CXCL13: variants seen among roughly 807,000 people sequenced by gnomAD.
CXCL13 encodes C-X-C motif chemokine 13.
CXCL13 carries 7 observed loss-of-function variants against 12.2 expected under a neutral mutation model. That is an observed-to-expected ratio of 0.57 (90% CI 0.33 to 1.07). The LOEUF (loss-of-function observed/expected upper bound fraction) is 1.07, where lower values mean the gene tolerates loss of function less well. Ranked by LOEUF, CXCL13 falls within the 50% of genes least tolerant of loss-of-function variation. The pLI is 0.04. For synonymous variants in CXCL13, 47 were observed against 42.4 expected (o/e 1.11, Z -0.42); for missense variants, 113 against 127.4 (o/e 0.89, Z 0.55).
chr4:77,531,398 G>A (rs1315250952), intron 1 of CXCL13, among the ~76,000 whole-genome samples: 1 of 150,376 alleles, frequency 6.6e-6, no homozygotes, highest in African/African-American at 2.5e-5. Context: ...TGATTGCACT[G>A]TGGTCTGAGA....
At chr4:77,520,085 G>A (rs1313488881) in intron 1 of CXCL13, among the ~76,000 whole-genome samples, 1 of 152,090 alleles carries the variant, frequency 6.6e-6, no homozygotes, top group Non-Finnish European at 1.5e-5. Context: ...TCTCTGTTTT[G>A]GTACCAGTAC....
intron 1 of CXCL13, among the ~76,000 whole-genome samples, chr4:77,570,469 G>A (rs1726042872): frequency 6.6e-6 from 1 of 152,200 alleles, no homozygotes; most frequent in South Asian, 2.1e-4. Flanking sequence ...GGTGGCTCAT[G>A]CCTGTAATCC....
rs376743711 is a variant in CXCL13 at position 77,580,759 on chromosome 4, C to T, written c.-42-25065C>T. ...CTCCTCCCCTGTCTTCCCCTCCCCT[C>T]CTCTCCCTCCTTCCCCTCTCCTGCC... On this transcript the variant is annotated intron_variant, in intron 1 of 4. Transcript: ENST00000286758. Among the ~76,000 whole-genome samples, 321 of 115,410 alleles carry T rather than the reference C, an allele frequency of 2.8e-3. 3 individuals carry two copies. The highest frequency in any genetic ancestry group is 4.7e-3 in the Non-Finnish European group (257 of 55,198). The allele number at this position is 115,410 out of a possible 152,430, so 75.7% of individuals were successfully genotyped here.
chr4:77,513,149 C>T (rs1372690562), intron 1 of CXCL13, among the ~76,000 whole-genome samples: 1 of 152,062 alleles, frequency 6.6e-6, no homozygotes, highest in Non-Finnish European at 1.5e-5. Context: ...CATGGTATTC[C>T]ATGGTGTATA....
At chr4:77,608,248 C>CG (rs1727042257) in intron 2 of CXCL13, among the ~76,000 whole-genome samples, 1 of 152,132 alleles carries the variant, frequency 6.6e-6, no homozygotes, top group Non-Finnish European at 1.5e-5. Flanking sequence ...CGAGACCAGC[C>CG]TGACCAACAT....
At chr4:77,564,927 C>T (rs1004201828) in intron 1 of CXCL13, among the ~76,000 whole-genome samples, 25 of 152,200 alleles carry the variant, frequency 1.6e-4, no homozygotes, top group African/African-American at 5.3e-4. Flanking sequence ...GGCAACCAAA[C>T]ATAAACATCC....
intron 1 of CXCL13, among the ~76,000 whole-genome samples, chr4:77,569,246 T>C (rs1726007797): frequency 6.6e-6 from 1 of 152,138 alleles, no homozygotes; most frequent in Non-Finnish European, 1.5e-5. Flanking sequence ...TTTGACACAG[T>C]ATTGGAAGTC....
At chr4:77,607,926 G>C (rs887616797) in intron 2 of CXCL13, 91 bp downstream of exon 2, 1 of 1,302,634 alleles carries the variant, frequency 7.7e-7, no homozygotes, top group African/African-American at 1.5e-5. Context: ...CAAGAATGTC[G>C]AAGAGATTTA....
chr4:77,525,396 T>C, intron 1 of CXCL13, among the ~76,000 whole-genome samples: 1 of 152,196 alleles, frequency 6.6e-6, no homozygotes, highest in East Asian at 1.9e-4. Context: ...TTTAGGGTGG[T>C]AAGATTTCTT....
chr4:77,557,827 G>C (rs1240057618), intron 1 of CXCL13, among the ~76,000 whole-genome samples: 2 of 152,246 alleles, frequency 1.3e-5, no homozygotes, highest in Non-Finnish European at 2.9e-5. Flanking sequence ...CAGATGGCTA[G>C]TGGGCTTTCC....
intron 1 of CXCL13, among the ~76,000 whole-genome samples, chr4:77,560,887 T>G (rs969890676): frequency 6.6e-6 from 1 of 152,192 alleles, no homozygotes; most frequent in African/African-American, 2.4e-5. Context: ...GATATAATTT[T>G]TATATTTTCT....
chr4:77,546,081 C>T (rs1725355313), intron 1 of CXCL13, among the ~76,000 whole-genome samples: 1 of 152,218 alleles, frequency 6.6e-6, no homozygotes, highest in Non-Finnish European at 1.5e-5. Context: ...ACCAGCCTTG[C>T]ATCCCAGGGA....
At chr4:77,564,437 G>C (rs1262999362) in intron 1 of CXCL13, among the ~76,000 whole-genome samples, 2 of 152,208 alleles carry the variant, frequency 1.3e-5, no homozygotes, top group African/African-American at 4.8e-5. Context: ...GAAGCAAAAA[G>C]AATGAGCCAC....
intron 2 of CXCL13, among the ~76,000 whole-genome samples, chr4:77,608,479 G>A (rs916434315): frequency 1.3e-5 from 2 of 151,870 alleles, no homozygotes; most frequent in African/African-American, 2.4e-5. Context: ...GCATTAGCCA[G>A]GACTCCATTC....
chr4:77,516,838 A>G (rs201055930), intron 1 of CXCL13, among the ~76,000 whole-genome samples: 5 of 151,540 alleles, frequency 3.3e-5, no homozygotes, highest in African/African-American at 7.3e-5. Context: ...GTTATTTCTT[A>G]CCTTCTGCTA....
At chr4:77,517,804 T>A (rs1724467629) in intron 1 of CXCL13, among the ~76,000 whole-genome samples, 1 of 152,244 alleles carries the variant, frequency 6.6e-6, no homozygotes, top group Non-Finnish European at 1.5e-5. Context: ...TGAGTCCATT[T>A]ACATTTAAAG....
intron 1 of CXCL13, among the ~76,000 whole-genome samples, chr4:77,561,909 T>A (rs566082289): frequency 1.3e-5 from 2 of 152,286 alleles, no homozygotes; most frequent in African/African-American, 4.8e-5. Flanking sequence ...GGTGGGAACC[T>A]GGGCTGCGCC....
At chr4:77,567,458 CCAGT>C (rs958955857) in intron 1 of CXCL13, among the ~76,000 whole-genome samples, 6 of 152,202 alleles carry the variant, frequency 3.9e-5, no homozygotes, top group African/African-American at 1.4e-4. Flanking sequence ...TGTTCAAAGT[CCAGT>C]CAGAGACTTT....
At chr4:77,526,371 C>T (rs1226143161) in intron 1 of CXCL13, among the ~76,000 whole-genome samples, 1 of 151,832 alleles carries the variant, frequency 6.6e-6, no homozygotes, top group Non-Finnish European at 1.5e-5. Context: ...TGAATGCCAA[C>T]TCATTATATA....
Sources: allele counts gnomAD v4.1 joint callset (sites outside exome capture counted in the v4.1 genomes callset), GRCh38; gene constraint gnomAD v4.1.1; transcripts MANE v1.5; gene names NCBI Gene and HGNC (gene_info 2026-07-23, HGNC 2026-07-21).